The following RELN variants were observed in gnomAD, a reference collection of about 807,000 sequenced individuals.
RELN encodes the protein reelin.
RELN carries 108 observed loss-of-function variants against 427.6 expected under a neutral mutation model. That is an observed-to-expected ratio of 0.25 (90% CI 0.22 to 0.30). The LOEUF (loss-of-function observed/expected upper bound fraction) is 0.30. Ranked by LOEUF, RELN falls within the 10% of genes least tolerant of loss-of-function variation. The probability of loss-of-function intolerance (pLI) is 1.00; values close to 1 mark genes in which losing one functional copy is unlikely to be tolerated. For missense variants in RELN, 3,715 were observed against 4,302.8 expected, an observed-to-expected ratio of 0.86 and a Z score of 3.82; for synonymous variants, 1,524 against 1,513.4, an observed-to-expected ratio of 1.01 and a Z score of -0.16.
At chr7:103,612,529 C>T (rs1172847837) in intron 20 of RELN, among the ~76,000 whole-genome samples, 1 of 152,078 alleles carries the variant, frequency 6.6e-6, no homozygotes, top group Non-Finnish European at 1.5e-5. Flanking sequence ...CCCATCTTGG[C>T]CTCCCAAGGT....
At chr7:103,715,384 C>T (rs1478443100) in intron 8 of RELN, among the ~76,000 whole-genome samples, 2 of 152,256 alleles carry the variant, frequency 1.3e-5, no homozygotes, top group East Asian at 3.9e-4. Context: ...CAACTGTCTT[C>T]CACTTTCTGT....
chr7:103,891,008 G>A (rs1794837350), intron 2 of RELN, among the ~76,000 whole-genome samples: 1 of 152,080 alleles, frequency 6.6e-6, no homozygotes. Context: ...CTTGAATCTG[G>A]GAGGCAGAGG....
intron 9 of RELN, among the ~76,000 whole-genome samples, 163 bp downstream of exon 9, chr7:103,700,747 G>C (rs146144591): frequency 6.6e-5 from 10 of 152,074 alleles, no homozygotes; most frequent in Non-Finnish European, 7.4e-5. Flanking sequence ...TATCTTCTCC[G>C]AGCAGGGCTG....
At chr7:103,911,322 G>A (rs1019186424) in intron 2 of RELN, among the ~76,000 whole-genome samples, 2 of 150,714 alleles carry the variant, frequency 1.3e-5, no homozygotes, top group Non-Finnish European at 2.9e-5. Context: ...TCACACCAGT[G>A]AGAATGGCAA....
At chr7:103,610,038 C>T (rs1562920942) in intron 22 of RELN, among the ~76,000 whole-genome samples, 1 of 152,122 alleles carries the variant, frequency 6.6e-6, no homozygotes. Flanking sequence ...AATTTCTAGT[C>T]TAAGGATTTT....
intron 6 of RELN, among the ~76,000 whole-genome samples, chr7:103,740,584 C>G (rs1161692527): frequency 1.3e-5 from 2 of 152,122 alleles, no homozygotes; most frequent in East Asian, 3.9e-4. Flanking sequence ...TATCTGTTAC[C>G]TTTATTTATA....
At chr7:103,851,101 C>A (rs1038108085) in intron 2 of RELN, among the ~76,000 whole-genome samples, 8 of 152,070 alleles carry the variant, frequency 5.3e-5, no homozygotes, top group Admixed American at 3.3e-4. Context: ...CCGTCAATGA[C>A]AGGATAAAGA....
intron 2 of RELN, among the ~76,000 whole-genome samples, chr7:103,866,212 A>G (rs1410822340): frequency 6.6e-6 from 1 of 152,140 alleles, no homozygotes; most frequent in Non-Finnish European, 1.5e-5. Context: ...TAAGCTTCCC[A>G]GCCTATTACT....
At chr7:103,675,613 C>T (rs1332625169) in intron 11 of RELN, among the ~76,000 whole-genome samples, 4 of 152,152 alleles carry the variant, frequency 2.6e-5, no homozygotes, top group African/African-American at 4.8e-5. Context: ...AAGCTGGAGG[C>T]GTCATGCTAT....
intron 46 of RELN, among the ~76,000 whole-genome samples, chr7:103,533,879 A>G (rs1347787838): frequency 6.6e-6 from 1 of 151,430 alleles, no homozygotes; most frequent in Non-Finnish European, 1.5e-5. Flanking sequence ...TAAAGACTTA[A>G]AAGACTGTTG....
chr7:103,500,176 T>C (rs1327601430), intron 53 of RELN, among the ~76,000 whole-genome samples: 1 of 152,224 alleles, frequency 6.6e-6, no homozygotes, highest in Non-Finnish European at 1.5e-5. Context: ...GGCAACTGTG[T>C]TGGGTAACTG....
intron 3 of RELN, among the ~76,000 whole-genome samples, chr7:103,813,562 G>A (rs1298673907): frequency 6.6e-6 from 1 of 151,854 alleles, no homozygotes; most frequent in Non-Finnish European, 1.5e-5. Flanking sequence ...TATAATTTTT[G>A]TACATACATA....
intron 31 of RELN, among the ~76,000 whole-genome samples, chr7:103,570,851 TTTATTA>T (rs945382340): frequency 6.6e-6 from 1 of 151,950 alleles, no homozygotes; most frequent in Admixed American, 6.6e-5. Flanking sequence ...TTATTAGAGG[TTTATTA>T]TTATTATTGC....
Position 103,490,763 on chromosome 7 carries a change from G to A in RELN, c.9510C>T (p.Ser3170=), listed in dbSNP as rs1562847406. ...LPSSSNSIGC[S]PFQFHEATIY... Reference sequence around the variant, plus strand: ...TGGTGGCTTCATGGAACTGGAAAGGGGAGCAGCCAATGCTGTTAGAAGAGG... The same window carrying A: ...TGGTGGCTTCATGGAACTGGAAAGGAGAGCAGCCAATGCTGTTAGAAGAGG... Residue 3170 remains serine (S), a synonymous_variant, in exon 59 of 65, where the codon TCC becomes TCT. Coordinates refer to ENST00000428762, the MANE Select transcript of RELN (RefSeq NM_005045.4). 2.5e-6 allele frequency: 4 copies of A among 1,614,184 alleles called. No individual in the cohort carries two copies. Among genetic ancestry groups the A allele is most frequent in the African/African-American group, 2.7e-5 (2 of 75,042 alleles).
chr7:103,835,954 CTT>C (rs10569884), intron 2 of RELN, among the ~76,000 whole-genome samples: 125 of 142,376 alleles, frequency 8.8e-4, no homozygotes, highest in South Asian at 4.5e-3. Context: ...CTCAATTACC[CTT>C]TTTTTTTTTT....
chr7:103,711,783 A>G (rs891923085), intron 8 of RELN, among the ~76,000 whole-genome samples: 3 of 152,024 alleles, frequency 2.0e-5, no homozygotes, highest in Non-Finnish European at 4.4e-5. Context: ...CAGCCTCCCA[A>G]GTAGCTGGGA....
intron 1 of RELN, among the ~76,000 whole-genome samples, chr7:103,941,472 T>G (rs1796113319): frequency 6.6e-6 from 1 of 152,174 alleles, no homozygotes; most frequent in South Asian, 2.1e-4. Flanking sequence ...GATTTCTTAT[T>G]TGGAATATCT....
At chr7:103,878,795 G>A (rs1794542538) in intron 2 of RELN, among the ~76,000 whole-genome samples, 1 of 152,168 alleles carries the variant, frequency 6.6e-6, no homozygotes, top group Non-Finnish European at 1.5e-5. Context: ...AAAAATATCT[G>A]TCTAAATGTT....
chr7:103,778,690 C>A (rs1215123315), intron 3 of RELN, among the ~76,000 whole-genome samples: 2 of 152,132 alleles, frequency 1.3e-5, no homozygotes, highest in Non-Finnish European at 2.9e-5. Flanking sequence ...TTATTTGTTG[C>A]CTTCATTAAT....
Sources: allele counts gnomAD v4.1 joint callset (sites outside exome capture counted in the v4.1 genomes callset), GRCh38; gene constraint gnomAD v4.1.1; transcripts MANE v1.5; gene names NCBI Gene and HGNC (gene_info 2026-07-23, HGNC 2026-07-21).